Variants in CRISP1 observed in about 807,000 individuals in gnomAD.
CRISP1 encodes the protein cysteine rich secretory protein 1, also known as cysteine-rich secretory protein 1.
CRISP1 carries 44 observed loss-of-function variants against 33.1 expected under a neutral mutation model. The ratio of observed to expected loss-of-function variants is 1.33; its 90% CI spans 1.05 to 1.71. The LOEUF (loss-of-function observed/expected upper bound fraction) is 1.71. CRISP1 is among the 40% of genes most tolerant of loss of function. The pLI is 0.00. For synonymous variants in CRISP1, 103 were observed against 98.7 expected (o/e 1.04, Z -0.26); for missense variants, 390 against 301.2 (o/e 1.29, Z -2.18).
chr6:49,868,425 G>A (rs1771848606), upstream of CRISP1, among the ~76,000 whole-genome samples: 1 of 152,086 alleles, frequency 6.6e-6, no homozygotes, highest in African/African-American at 2.4e-5. Context: ...AAAATCTTGA[G>A]AGATAGATAA....
At chr6:49,842,643 G>C (rs767254104) in intron 5 of CRISP1, among the ~76,000 whole-genome samples, 8 of 152,080 alleles carry the variant, frequency 5.3e-5, no homozygotes, top group Non-Finnish European at 8.8e-5. Context: ...TAATGTTCTT[G>C]CTGTTCAGTT....
At chr6:49,860,917 T>C (rs1415777376) in intron 1 of CRISP1, among the ~76,000 whole-genome samples, 1 of 151,794 alleles carries the variant, frequency 6.6e-6, no homozygotes, top group Non-Finnish European at 1.5e-5. Flanking sequence ...ACAAAAGATA[T>C]TACAATTGTC....
chr6:49,872,682 G>C (rs1416789287), intron 1 of CRISP1, among the ~76,000 whole-genome samples: 1 of 151,994 alleles, frequency 6.6e-6, no homozygotes, highest in Non-Finnish European at 1.5e-5. Flanking sequence ...TCTTGTTTTT[G>C]TCAGGTTTGT....
intron 6 of CRISP1, among the ~76,000 whole-genome samples, chr6:49,839,271 A>C (rs13202377): frequency 2.5e-5 from 1 of 40,198 alleles, no homozygotes; most frequent in African/African-American, 1.0e-4. Context: ...CTTCATATCT[A>C]CAAAAAAAAA....
chr6:49,870,946 C>A (rs1031789764), upstream of CRISP1, among the ~76,000 whole-genome samples: 1 of 151,850 alleles, frequency 6.6e-6, no homozygotes, highest in Non-Finnish European at 1.5e-5. Context: ...ACTAAAAATA[C>A]AAAAATTAGC....
chr6:49,846,699 C>A (rs1254396091), intron 4 of CRISP1, 31 bp from the exon 5 acceptor site: 1 of 1,603,594 alleles, frequency 6.2e-7, no homozygotes, highest in Non-Finnish European at 8.5e-7. Flanking sequence ...GGGTCATACT[C>A]TGAACAAATG....
intron 1 of CRISP1, among the ~76,000 whole-genome samples, chr6:49,863,605 G>C (rs1771715004): frequency 6.6e-6 from 1 of 152,016 alleles, no homozygotes; most frequent in Non-Finnish European, 1.5e-5. Flanking sequence ...TGTGTTTCTT[G>C]TTGACAAATT....
chr6:49,835,520 A>C, intron 7 of CRISP1, 77 bp from the exon 8 acceptor site: 1 of 1,413,148 alleles, frequency 7.1e-7, no homozygotes, highest in Non-Finnish European at 9.6e-7. Flanking sequence ...CATCTTATTA[A>C]AGACAAAAAG....
intron 1 of CRISP1, among the ~76,000 whole-genome samples, chr6:49,864,590 A>G (rs1003287681): frequency 3.9e-5 from 6 of 151,926 alleles, no homozygotes; most frequent in East Asian, 1.9e-4. Flanking sequence ...GCTTTTTTCA[A>G]TTTTAATCTA....
chr6:49,871,129 CAA>C (rs55712975), upstream of CRISP1, among the ~76,000 whole-genome samples: 2 of 146,756 alleles, frequency 1.4e-5, no homozygotes, highest in African/African-American at 5.0e-5. Context: ...ACAAAACAAA[CAA>C]AAAAAAAACA....
At chr6:49,841,320 T>C (rs1258949674) in intron 5 of CRISP1, among the ~76,000 whole-genome samples, 2 of 152,204 alleles carry the variant, frequency 1.3e-5, no homozygotes, top group Non-Finnish European at 2.9e-5. Flanking sequence ...ATTTCTAATT[T>C]TAACAAAACC....
rs1047164784 is a variant in CRISP1 at position 49,862,095 on chromosome 6, G to A, written c.-3+4334C>T. On this transcript the variant is annotated intron_variant, in intron 1 of 7. Transcript: ENST00000335847. Reference sequence around the variant, plus strand: ...AAAGAAATAAAAGGCATTCAAATTGGGAAAGAGAAAGGCAAATTGTCACTC... The same window carrying A: ...AAAGAAATAAAAGGCATTCAAATTGAGAAAGAGAAAGGCAAATTGTCACTC... Among the ~76,000 whole-genome samples the A allele has an allele frequency of 2.0e-5, 3 of 151,988 alleles. No homozygotes were observed. In the South Asian group the frequency reaches 6.2e-4, roughly 32 times the overall value.
chr6:49,839,078 A>G (rs1448612418), intron 6 of CRISP1, among the ~76,000 whole-genome samples: 1 of 152,076 alleles, frequency 6.6e-6, no homozygotes, highest in Non-Finnish European at 1.5e-5. Context: ...GGATAAAACT[A>G]AAGTGCTGGG....
upstream of CRISP1, among the ~76,000 whole-genome samples, chr6:49,869,852 C>A (rs1771882495): frequency 6.6e-6 from 1 of 152,116 alleles, no homozygotes. Context: ...AAAAGGGCTC[C>A]ATTCCCTTCA....
upstream of CRISP1, among the ~76,000 whole-genome samples, chr6:49,868,268 A>G (rs1359903876): frequency 1.3e-5 from 2 of 152,112 alleles, no homozygotes; most frequent in Non-Finnish European, 2.9e-5. Context: ...TAAATTTCCT[A>G]TTTTCATAGA....
At chr6:49,869,472 C>T (rs1479224256), upstream of CRISP1, among the ~76,000 whole-genome samples, 1 of 152,132 alleles carries the variant, frequency 6.6e-6, no homozygotes, top group Non-Finnish European at 1.5e-5. Context: ...ATTCGATTAA[C>T]AAGAAGACCA....
At chr6:49,847,095 G>T (rs1771200327) in intron 4 of CRISP1, among the ~76,000 whole-genome samples, 1 of 152,084 alleles carries the variant, frequency 6.6e-6, no homozygotes, top group Non-Finnish European at 1.5e-5. Flanking sequence ...GGTTGAACAT[G>T]GTATTCAGGA....
chr6:49,856,995 T>C lies in CRISP1; in HGVS notation c.66+340A>G, dbSNP rs141080964. Among the ~76,000 whole-genome samples, 664 of 152,312 alleles carry C rather than the reference T, an allele frequency of 4.4e-3. 5 individuals are homozygous for C. The highest frequency in any genetic ancestry group is 0.015 in the African/African-American group (627 of 41,582). ...ATTCTTGTTATAGTAAAAAATTATA[T>C]AGCTAATCTGCATTCTCAGTTTTTT... On this transcript the variant is annotated intron_variant, in intron 2 of 7. Transcript: ENST00000335847.
chr6:49,859,517 C>T (rs1006704723), intron 1 of CRISP1, among the ~76,000 whole-genome samples: 3 of 151,678 alleles, frequency 2.0e-5, no homozygotes, highest in Non-Finnish European at 2.9e-5. Flanking sequence ...AGGGAATTTA[C>T]TACCATTAGA....
Sources: gnomAD v4.1 joint callset for allele counts (sites outside exome capture counted in the v4.1 genomes callset) on GRCh38, gnomAD v4.1.1 for gene constraint, MANE v1.5 for transcripts, NCBI Gene and HGNC (gene_info 2026-07-23, HGNC 2026-07-21) for gene names.